The following CNTNAP2 variants were observed in gnomAD, a reference collection of about 807,000 sequenced individuals.
CNTNAP2 encodes contactin associated protein 2.
In CNTNAP2, 98 loss-of-function variants were observed where a neutral mutation model predicts 155.2. That is an observed-to-expected ratio of 0.63 (90% CI 0.54 to 0.75). The LOEUF is 0.75. Among genes scored for constraint, CNTNAP2 ranks in the 30% least tolerant of loss-of-function variants. CNTNAP2 has a pLI of 0.00. For missense variants in CNTNAP2, 1,727 were observed against 1,688.1 expected, an observed-to-expected ratio of 1.02 and a Z score of -0.40; for synonymous variants, 651 against 631.2, an observed-to-expected ratio of 1.03 and a Z score of -0.47.
intron 8 of CNTNAP2, among the ~76,000 whole-genome samples, chr7:147,138,036 A>T (rs767079111): frequency 2.6e-5 from 4 of 151,944 alleles, no homozygotes; most frequent in Non-Finnish European, 5.9e-5. Flanking sequence ...TTTATTCCCA[A>T]ATAATCTACA....
rs1280700239 is a variant in CNTNAP2 at position 146,285,931 on chromosome 7, TTCCCC to T, written c.97+168969_97+168973del. ...CTCCCTTCCCCTCCCCTCCCCTCCC[TTCCCC>T]TCCCCTCCCCCTTTTCCTTCCTTCC... On this transcript the variant is annotated intron_variant, in intron 1 of 23. Transcript: ENST00000361727. Among the ~76,000 whole-genome samples the T allele has an allele frequency of 1.8e-3, 18 of 9,778 alleles. 2 individuals are homozygous for T. Among genetic ancestry groups the T allele is most frequent in the African/African-American group, 0.011 (18 of 1,666 alleles). 6.4% of individuals were successfully genotyped at this position (9,778 alleles called of 152,430 possible). A position where few individuals can be genotyped will look rare whatever the true frequency, so the allele number is the denominator to read the frequency against.
intron 3 of CNTNAP2, among the ~76,000 whole-genome samples, chr7:146,840,237 T>A (rs1314230697): frequency 6.6e-6 from 1 of 152,192 alleles, no homozygotes; most frequent in Admixed American, 6.5e-5. Context: ...AAGACAGCGA[T>A]CTTCAATTGA....
At chr7:146,587,494 G>A (rs62481796) in intron 1 of CNTNAP2, among the ~76,000 whole-genome samples, 25,495 of 151,944 alleles carry the variant, frequency 0.17, 2,812 homozygotes, top group East Asian at 0.47. Context: ...AAACACCGAA[G>A]TATCTCCACG....
chr7:146,130,844 G>A (rs924201961), intron 1 of CNTNAP2, among the ~76,000 whole-genome samples: 4 of 152,168 alleles, frequency 2.6e-5, no homozygotes, highest in Non-Finnish European at 5.9e-5. Flanking sequence ...TGAGAGAGAA[G>A]AGCATGAAGC....
At chr7:146,762,585 C>G (rs1184339745) in intron 1 of CNTNAP2, among the ~76,000 whole-genome samples, 2 of 152,066 alleles carry the variant, frequency 1.3e-5, no homozygotes, top group African/African-American at 4.8e-5. Context: ...AGTGACAGAA[C>G]AAGACTCCAT....
intron 15 of CNTNAP2, among the ~76,000 whole-genome samples, chr7:148,067,615 G>A (rs1360541299): frequency 6.6e-6 from 1 of 152,228 alleles, no homozygotes; most frequent in Non-Finnish European, 1.5e-5. Flanking sequence ...GCCAAGAGGT[G>A]GCACTTTTAA....
intron 1 of CNTNAP2, among the ~76,000 whole-genome samples, chr7:146,445,991 G>A (rs563122209): frequency 3.0e-4 from 46 of 152,218 alleles, no homozygotes; most frequent in African/African-American, 1.1e-3. Flanking sequence ...AAGTGACTAA[G>A]TTGCTTCTTG....
chr7:146,437,679 G>C (rs1233605688), intron 1 of CNTNAP2, among the ~76,000 whole-genome samples: 1 of 151,506 alleles, frequency 6.6e-6, no homozygotes, highest in Non-Finnish European at 1.5e-5. Context: ...AATAAGTTTG[G>C]TAAATAATGA....
At chr7:148,336,432 G>A (rs1158170527) in intron 21 of CNTNAP2, among the ~76,000 whole-genome samples, 1 of 74,100 alleles carries the variant, frequency 1.3e-5, no homozygotes, top group African/African-American at 5.2e-5. Flanking sequence ...TAGCAGTGGT[G>A]ATGGTCTTTT....
At chr7:148,208,077 A>G (rs1795482591) in intron 18 of CNTNAP2, among the ~76,000 whole-genome samples, 1 of 143,076 alleles carries the variant, frequency 7.0e-6, no homozygotes, top group Admixed American at 6.9e-5. Flanking sequence ...CGACAGAGCG[A>G]GACTCCGTGT....
intron 1 of CNTNAP2, among the ~76,000 whole-genome samples, chr7:146,322,250 A>G (rs540213757): frequency 2.6e-5 from 4 of 152,196 alleles, no homozygotes; most frequent in Non-Finnish European, 5.9e-5. Context: ...AACAGCCAGT[A>G]TTTGCACTGT....
rs1048782178 is a variant in CNTNAP2 at position 147,586,792 on chromosome 7, C to T, written c.1897+24535C>T. 7.2e-5 allele frequency among the ~76,000 whole-genome samples: 11 copies of T among 152,182 alleles called. 1 individual carries two copies. The South Asian group carries it at 1.7e-3, about 23-fold the overall frequency. On this transcript the variant is annotated intron_variant, in intron 12 of 23. Coordinates refer to ENST00000361727, the MANE Select transcript of CNTNAP2 (RefSeq NM_014141.6). ...CACTTGGAAACCACATGCTCTGGCACCCATCTGCATTTGTGGGGAAAGTGA... is the reference window on the plus strand; with the variant it reads ...CACTTGGAAACCACATGCTCTGGCATCCATCTGCATTTGTGGGGAAAGTGA...
intron 3 of CNTNAP2, among the ~76,000 whole-genome samples, chr7:147,036,361 G>T (rs1041852342): frequency 6.6e-6 from 1 of 152,096 alleles, no homozygotes; most frequent in Admixed American, 6.5e-5. Flanking sequence ...TAAAACTTCA[G>T]GGATGTTTAT....
intron 1 of CNTNAP2, among the ~76,000 whole-genome samples, chr7:146,163,964 T>C (rs2116806110): frequency 6.6e-6 from 1 of 152,276 alleles, no homozygotes; most frequent in East Asian, 1.9e-4. Context: ...TACCCCAGCC[T>C]GTGACAAGAA....
intron 1 of CNTNAP2, among the ~76,000 whole-genome samples, chr7:146,268,765 A>G (rs529638622): frequency 6.6e-6 from 1 of 152,374 alleles, no homozygotes; most frequent in South Asian, 2.1e-4. Context: ...ACAAAAGGTA[A>G]ATTAATATTT....
At chr7:146,908,473 A>T (rs1445166527) in intron 3 of CNTNAP2, among the ~76,000 whole-genome samples, 405 of 124,810 alleles carry the variant, frequency 3.2e-3, no homozygotes, top group South Asian at 3.8e-3. Flanking sequence ...AGTGCAATCA[A>T]ACTAGAACTC....
At chr7:148,192,696 G>A (rs910886537) in intron 18 of CNTNAP2, among the ~76,000 whole-genome samples, 5 of 152,178 alleles carry the variant, frequency 3.3e-5, no homozygotes, top group Admixed American at 6.6e-5. Flanking sequence ...GGAAGGATAC[G>A]TGACACATGC....
chr7:146,554,381 C>A (rs1798166324), intron 1 of CNTNAP2, among the ~76,000 whole-genome samples: 1 of 152,134 alleles, frequency 6.6e-6, no homozygotes, highest in South Asian at 2.1e-4. Context: ...TATTTTGCTC[C>A]ATAATAATTA....
intron 1 of CNTNAP2, among the ~76,000 whole-genome samples, chr7:146,399,481 A>G (rs2129108004): frequency 6.6e-6 from 1 of 152,282 alleles, no homozygotes; most frequent in Admixed American, 6.5e-5. Context: ...AGCTTCATCG[A>G]TGTATTTGCA....
Sources: allele counts gnomAD v4.1 joint callset (sites outside exome capture counted in the v4.1 genomes callset), GRCh38; gene constraint gnomAD v4.1.1; transcripts MANE v1.5; gene names NCBI Gene and HGNC (gene_info 2026-07-23, HGNC 2026-07-21).